ANTXR1: variants seen among roughly 807,000 people sequenced by gnomAD.
ANTXR1 encodes ANTXR cell adhesion molecule 1, also known as anthrax toxin receptor 1.
ANTXR1 carries 19 observed loss-of-function variants against 78.1 expected under a neutral mutation model. The ratio of observed to expected loss-of-function variants is 0.24; its 90% CI spans 0.17 to 0.36. ANTXR1 has a LOEUF of 0.36. ANTXR1 is among the 10% of genes least tolerant of loss of function. The pLI, the probability that ANTXR1 is intolerant of heterozygous loss-of-function variation, is 1.00. For synonymous variants in ANTXR1, 273 were observed against 260.5 expected (o/e 1.05, Z -0.46); for missense variants, 518 against 718.6 (o/e 0.72, Z 3.19).
chr2:69,037,063 A>G (rs914656962), intron 1 of ANTXR1, among the ~76,000 whole-genome samples: 2 of 152,232 alleles, frequency 1.3e-5, no homozygotes, highest in African/African-American at 2.4e-5. Context: ...CCTGATGATC[A>G]TGTGGGCCCA....
chr2:69,193,356 G>A lies in ANTXR1; in HGVS notation c.1375G>A (p.Val459Ile). The A allele has an allele frequency of 3.1e-6, 5 of 1,613,958 alleles. No homozygotes were observed. The South Asian group carries it at 3.3e-5, about 11-fold the overall frequency. ...TCAGGGAAAACTCGATGCCTTGTGG[G>A]TCCTACTGAGGAAAGGATATGATCG... ...PIKGKLDALW[V>I]LLRKGYDRVS... Residue 459 changes from valine (V) to isoleucine (I), a missense_variant, in exon 17 of 18, where the codon GTC (valine) becomes ATC (isoleucine). Around this residue, in one of 5 missense-constraint regions of ANTXR1, gnomAD observed 192 missense variants for 230.2 expected, o/e 0.83. Coordinates refer to ENST00000303714, the MANE Select transcript of ANTXR1 (RefSeq NM_032208.3).
At chr2:69,213,086 C>T (rs903009508) in intron 17 of ANTXR1, among the ~76,000 whole-genome samples, 7 of 149,380 alleles carry the variant, frequency 4.7e-5, no homozygotes, top group African/African-American at 1.7e-4. Context: ...GTATGACAGA[C>T]ATGAGCCACC....
intron 17 of ANTXR1, among the ~76,000 whole-genome samples, chr2:69,238,173 C>T (rs905807764): frequency 5.9e-5 from 9 of 152,162 alleles, no homozygotes; most frequent in African/African-American, 1.9e-4. Flanking sequence ...ATTCCAAATT[C>T]GCAGGAGAGA....
At chr2:69,223,140 C>T (rs1231879964) in intron 17 of ANTXR1, among the ~76,000 whole-genome samples, 1 of 152,174 alleles carries the variant, frequency 6.6e-6, no homozygotes, top group Non-Finnish European at 1.5e-5. Flanking sequence ...AGAAGGTCCC[C>T]AGAGGCCTGT....
intron 17 of ANTXR1, among the ~76,000 whole-genome samples, chr2:69,238,823 T>A (rs1675832346): frequency 6.6e-6 from 1 of 152,216 alleles, no homozygotes; most frequent in African/African-American, 2.4e-5. Flanking sequence ...CCATTTTCCT[T>A]AGATGACCTC....
chr2:69,090,992 C>T lies in ANTXR1; in HGVS notation c.703+73C>T, dbSNP rs900970970. On this transcript the variant is annotated intron_variant, in intron 9 of 17. Transcript: ENST00000303714. ...TTGAGTTCAAGTCACGTATGTACTT[C>T]ATTGTTGGTGGGGTGGGAAAGAGGA... 46 of 1,486,736 alleles carry T rather than the reference C, an allele frequency of 3.1e-5. No homozygotes were observed. In the Admixed American group the frequency reaches 7.2e-4, roughly 23 times the overall value. The allele number at this position is 1,486,736 out of a possible 1,614,324, so 92.1% of individuals were successfully genotyped here.
intron 12 of ANTXR1, among the ~76,000 whole-genome samples, chr2:69,150,778 G>A (rs1023090555): frequency 6.6e-6 from 1 of 151,980 alleles, no homozygotes; most frequent in East Asian, 1.9e-4. Flanking sequence ...CAGCAGAGTG[G>A]GAGGCCAAGG....
chr2:69,054,864 G>C (rs950423213), intron 3 of ANTXR1, among the ~76,000 whole-genome samples: 4 of 152,310 alleles, frequency 2.6e-5, no homozygotes, highest in Middle Eastern at 6.8e-3. Context: ...TTTTAGTTGT[G>C]TGAGGGCTTG....
At chr2:69,036,463 G>T (rs72895440) in intron 1 of ANTXR1, among the ~76,000 whole-genome samples, 3 of 151,840 alleles carry the variant, frequency 2.0e-5, no homozygotes, top group Non-Finnish European at 2.9e-5. Context: ...TCAAATACTC[G>T]GTCTTACTCA....
At chr2:69,064,539 GT>G (rs1390898206) in intron 3 of ANTXR1, among the ~76,000 whole-genome samples, 2 of 152,198 alleles carry the variant, frequency 1.3e-5, no homozygotes, top group Non-Finnish European at 2.9e-5. Context: ...GGACCATACA[GT>G]GGGAGGAGTG....
At chr2:69,030,187 G>A (rs775676449) in intron 1 of ANTXR1, among the ~76,000 whole-genome samples, 1 of 152,116 alleles carries the variant, frequency 6.6e-6, no homozygotes, top group Non-Finnish European at 1.5e-5. Context: ...AATAGAATCT[G>A]GGTATTTGAA....
chr2:69,088,094 G>C (rs915192973), intron 8 of ANTXR1, among the ~76,000 whole-genome samples: 38 of 152,130 alleles, frequency 2.5e-4, no homozygotes, highest in African/African-American at 9.2e-4. Flanking sequence ...GCATTTTTTG[G>C]CCCTCCATAC....
chr2:69,170,475 A>G (rs1673952765), intron 14 of ANTXR1, among the ~76,000 whole-genome samples, 186 bp downstream of exon 14: 1 of 152,272 alleles, frequency 6.6e-6, no homozygotes, highest in Non-Finnish European at 1.5e-5. Context: ...GGGATGAACA[A>G]GAAACTGAAC....
At chr2:69,114,084 A>C (rs1166109830) in intron 10 of ANTXR1, among the ~76,000 whole-genome samples, 2 of 152,244 alleles carry the variant, frequency 1.3e-5, no homozygotes, top group African/African-American at 4.8e-5. Flanking sequence ...ATAAATGCCA[A>C]ATGCCACAGA....
At chr2:69,165,048 C>A (rs1673790404) in intron 13 of ANTXR1, among the ~76,000 whole-genome samples, 1 of 152,210 alleles carries the variant, frequency 6.6e-6, no homozygotes, top group Non-Finnish European at 1.5e-5. Flanking sequence ...CCAGCAGGTA[C>A]TTTGTCAGAA....
At chr2:69,079,993 G>A (rs1217119426) in intron 8 of ANTXR1, among the ~76,000 whole-genome samples, 1 of 152,190 alleles carries the variant, frequency 6.6e-6, no homozygotes, top group Admixed American at 6.5e-5. Flanking sequence ...GGAAATAACT[G>A]CAAAGATCTT....
At chr2:69,231,707 G>A (rs545815197) in intron 17 of ANTXR1, among the ~76,000 whole-genome samples, 1 of 152,292 alleles carries the variant, frequency 6.6e-6, no homozygotes, top group South Asian at 2.1e-4. Flanking sequence ...ATCCCAGAGG[G>A]CTTCTTCACT....
chr2:69,138,026 A>G (rs569394419), intron 12 of ANTXR1, among the ~76,000 whole-genome samples: 159 of 151,044 alleles, frequency 1.1e-3, no homozygotes, highest in African/African-American at 3.7e-3. Flanking sequence ...GGAGATTGCA[A>G]TGAGCCAAGA....
intron 17 of ANTXR1, among the ~76,000 whole-genome samples, chr2:69,244,837 C>A (rs768037852): frequency 3.9e-5 from 6 of 152,162 alleles, no homozygotes; most frequent in African/African-American, 1.4e-4. Context: ...AGTTGTGTGG[C>A]CTTGAAAAAG....
Sources: allele counts gnomAD v4.1 joint callset (sites outside exome capture counted in the v4.1 genomes callset), GRCh38; gene constraint gnomAD v4.1.1; regional missense constraint gnomAD v4.1.1; transcripts MANE v1.5; gene names NCBI Gene and HGNC (gene_info 2026-07-23, HGNC 2026-07-21).